Variants in MAGI1 observed in about 807,000 individuals in gnomAD.
MAGI1 encodes membrane associated guanylate kinase, WW and PDZ domain containing 1.
MAGI1 carries 58 observed loss-of-function variants against 139.9 expected under a neutral mutation model. The observed-to-expected ratio is 0.41, with a 90% CI of 0.34 to 0.52. The LOEUF (loss-of-function observed/expected upper bound fraction) is 0.52. MAGI1 is among the 20% of genes least tolerant of loss of function. The pLI is 0.12. For synonymous variants in MAGI1, 812 were observed against 737.9 expected (o/e 1.10, Z -1.63); for missense variants, 1,874 against 1,901.6 (o/e 0.99, Z 0.27).
rs72894114 is a variant in MAGI1 at position 65,791,433 on chromosome 3, C to T, written c.314-169345G>A. On this transcript the variant is annotated intron_variant, in intron 1 of 22. Transcript: ENST00000402939. ...ACGATAGACATTCAAAAGCACACTG[C>T]TGAAAAAATACTAATATTAGAAAAT... Among the ~76,000 whole-genome samples the T allele has an allele frequency of 3.9e-3, 588 of 152,148 alleles. 1 individual carries two copies. The highest frequency in any genetic ancestry group is 0.013 in the African/African-American group (547 of 41,518).
At chr3:65,589,321 T>C (rs1022355196) in intron 2 of MAGI1, among the ~76,000 whole-genome samples, 13 of 152,196 alleles carry the variant, frequency 8.5e-5, no homozygotes, top group Non-Finnish European at 1.3e-4. Flanking sequence ...CCCAGGCTTA[T>C]AGATCCCACA....
At chr3:66,033,425 T>TAG (rs2068748486) in intron 1 of MAGI1, among the ~76,000 whole-genome samples, 6 of 152,176 alleles carry the variant, frequency 3.9e-5, no homozygotes, top group Admixed American at 3.9e-4. Context: ...TAAATCAGGG[T>TAG]CTACCCACTA....
chr3:65,794,521 G>A (rs1306917653), intron 1 of MAGI1, among the ~76,000 whole-genome samples: 2 of 152,096 alleles, frequency 1.3e-5, no homozygotes, highest in African/African-American at 2.4e-5. Flanking sequence ...AGGACAGTGA[G>A]GTGATAGTCA....
In MAGI1 at chr3:65,429,559, G is replaced by A; in HGVS notation, c.2128C>T (p.Pro710Ser). The A allele has an allele frequency of 1.2e-6, 2 of 1,613,662 alleles. No homozygotes were observed. The highest frequency in any genetic ancestry group is 8.5e-7 in the Non-Finnish European group (1 of 1,179,836). The change falls in exon 12 of 23, where the codon CCT becomes TCT. Residue 710 changes from proline (P) to serine (S), a missense_variant. Pro to Ser is a moderately conservative substitution (Grantham distance 74). Coordinates refer to ENST00000402939, the MANE Select transcript of MAGI1 (RefSeq NM_001033057.2). ...NQVVDMLVEC[P>S]KGSEVTLLVQ... Reference sequence around the variant, plus strand: ...AACAATGTGACCTCACTTCCCTTAGGACACTCAACCAGCATATCCACCACT... The same window carrying A: ...AACAATGTGACCTCACTTCCCTTAGAACACTCAACCAGCATATCCACCACT...
At chr3:65,618,495 A>C (rs971498895) in intron 2 of MAGI1, among the ~76,000 whole-genome samples, 1 of 152,112 alleles carries the variant, frequency 6.6e-6, no homozygotes, top group Non-Finnish European at 1.5e-5. Context: ...TGTGCCTTCC[A>C]TTGCTTCCAA....
At chr3:65,855,207 T>C (rs993079402) in intron 1 of MAGI1, among the ~76,000 whole-genome samples, 7 of 146,560 alleles carry the variant, frequency 4.8e-5, no homozygotes, top group African/African-American at 1.9e-4. Flanking sequence ...CAGGAAGCCT[T>C]GTGAGTCCAC....
chr3:65,497,057 G>C (rs1294501694), intron 2 of MAGI1, among the ~76,000 whole-genome samples: 2 of 152,120 alleles, frequency 1.3e-5, no homozygotes, highest in Non-Finnish European at 2.9e-5. Flanking sequence ...GACATGTTAG[G>C]TTTGAAATGC....
chr3:65,824,571 T>A (rs2042124359), intron 1 of MAGI1, among the ~76,000 whole-genome samples: 1 of 152,232 alleles, frequency 6.6e-6, no homozygotes, highest in Non-Finnish European at 1.5e-5. Flanking sequence ...TGTGTCTTTA[T>A]CTTCAAAAAT....
intron 1 of MAGI1, among the ~76,000 whole-genome samples, chr3:65,901,604 G>GT (rs2061236388): frequency 6.6e-6 from 1 of 152,160 alleles, no homozygotes; most frequent in South Asian, 2.1e-4. Flanking sequence ...CAACGGCAAG[G>GT]TTTTTTCCCT....
intron 1 of MAGI1, among the ~76,000 whole-genome samples, chr3:65,852,098 G>A (rs1387854562): frequency 6.6e-6 from 1 of 152,178 alleles, no homozygotes; most frequent in African/African-American, 2.4e-5. Flanking sequence ...GTCAAACCAG[G>A]AAGATATCTG....
At chr3:65,712,438 C>T (rs1255630216) in intron 1 of MAGI1, among the ~76,000 whole-genome samples, 3 of 145,172 alleles carry the variant, frequency 2.1e-5, no homozygotes, top group African/African-American at 5.2e-5. Context: ...GCTGCAACCA[C>T]GAGAGACCCC....
chr3:65,527,652 G>A (rs1056988176), intron 2 of MAGI1, among the ~76,000 whole-genome samples: 2 of 152,174 alleles, frequency 1.3e-5, no homozygotes, highest in Non-Finnish European at 2.9e-5. Flanking sequence ...GTGAACCCGG[G>A]GGGCAGAGCT....
chr3:65,492,680 A>G (rs1469870514), intron 3 of MAGI1, among the ~76,000 whole-genome samples: 1 of 152,198 alleles, frequency 6.6e-6, no homozygotes, highest in Non-Finnish European at 1.5e-5. Context: ...GTACATACGC[A>G]TGTGCACACG....
intron 2 of MAGI1, among the ~76,000 whole-genome samples, chr3:65,620,814 A>G (rs902541624): frequency 6.6e-6 from 1 of 152,180 alleles, no homozygotes; most frequent in Non-Finnish European, 1.5e-5. Flanking sequence ...TTCTCCTCTC[A>G]TAGCCTCTGT....
intron 1 of MAGI1, among the ~76,000 whole-genome samples, chr3:65,665,552 C>T (rs1359497218): frequency 6.6e-6 from 1 of 152,100 alleles, no homozygotes; most frequent in Non-Finnish European, 1.5e-5. Flanking sequence ...AACAGAAATA[C>T]AAGTAAGATA....
At chr3:65,627,260 C>A (rs2084017791) in intron 1 of MAGI1, among the ~76,000 whole-genome samples, 1 of 152,186 alleles carries the variant, frequency 6.6e-6, no homozygotes, top group East Asian at 1.9e-4. Flanking sequence ...GTAGGCCATA[C>A]CAACTAGGTT....
intron 5 of MAGI1, among the ~76,000 whole-genome samples, chr3:65,468,367 C>CTTTT (rs71102860): frequency 1.6e-5 from 1 of 61,366 alleles, no homozygotes; most frequent in African/African-American, 6.9e-5. Flanking sequence ...AGAGGGTATT[C>CTTTT]TTTTTTTTTT....
At chr3:65,433,539 A>G (rs1947615051) in intron 10 of MAGI1, among the ~76,000 whole-genome samples, 1 of 152,160 alleles carries the variant, frequency 6.6e-6, no homozygotes, top group Non-Finnish European at 1.5e-5. Context: ...TTTTCACCCC[A>G]TAAGCAGTGG....
chr3:65,899,003 C>G lies in MAGI1; in HGVS notation c.313+138993G>C, dbSNP rs536706573. Among the ~76,000 whole-genome samples, 13 of 152,254 alleles carry G rather than the reference C, an allele frequency of 8.5e-5. No homozygotes were observed. In the South Asian group the frequency reaches 2.7e-3, roughly 32 times the overall value. ...GTGGCACAATCTTGCCTCACTGAAG[C>G]CTCAACTTCCCAGGCTCGGGTGATC... On this transcript the variant is annotated intron_variant, in intron 1 of 22. Coordinates refer to ENST00000402939, the MANE Select transcript of MAGI1 (RefSeq NM_001033057.2).
Sources: gnomAD v4.1 joint callset for allele counts (sites outside exome capture counted in the v4.1 genomes callset) on GRCh38, gnomAD v4.1.1 for gene constraint, MANE v1.5 for transcripts, NCBI Gene and HGNC (gene_info 2026-07-23, HGNC 2026-07-21) for gene names.